The following MAML2 variants were observed in gnomAD, a reference collection of about 807,000 sequenced individuals.
MAML2 encodes mastermind-like protein 2.
A neutral mutation model predicts 96.1 loss-of-function variants in MAML2; 22 were observed. The observed-to-expected ratio is 0.23, with a 90% CI of 0.16 to 0.33. The LOEUF is 0.33. Ranked by LOEUF, MAML2 falls within the 10% of genes least tolerant of loss-of-function variation. The pLI is 1.00. For synonymous variants in MAML2, 561 were observed against 521.3 expected, an observed-to-expected ratio of 1.08 and a Z score of -1.04; for missense variants, 1,367 against 1,392.4, an observed-to-expected ratio of 0.98 and a Z score of 0.29.
intron 1 of MAML2, among the ~76,000 whole-genome samples, chr11:96,121,814 TC>T (rs1860348859): frequency 1.5e-5 from 2 of 135,386 alleles, no homozygotes; most frequent in Admixed American, 7.7e-5. Context: ...TGAGACGGAG[TC>T]TTGCTCTGTC....
chr11:96,108,396 A>G (rs1039062212), intron 1 of MAML2, among the ~76,000 whole-genome samples: 1 of 152,182 alleles, frequency 6.6e-6, no homozygotes, highest in African/African-American at 2.4e-5. Context: ...AGCAAGAAAG[A>G]GAAGGAGTGA....
chr11:96,204,088 G>C (rs1015302830), intron 1 of MAML2, among the ~76,000 whole-genome samples: 1 of 152,160 alleles, frequency 6.6e-6, no homozygotes, highest in Non-Finnish European at 1.5e-5. Context: ...GAGGGAGGGA[G>C]AGGTTTCTGG....
chr11:95,987,365 A>C (rs1022210475), intron 3 of MAML2, among the ~76,000 whole-genome samples: 3 of 152,214 alleles, frequency 2.0e-5, no homozygotes, highest in African/African-American at 7.2e-5. Flanking sequence ...TGAGTATCAT[A>C]TCAGCTTTGG....
At chr11:96,044,432 T>TC (rs2135759341) in intron 2 of MAML2, among the ~76,000 whole-genome samples, 1 of 152,132 alleles carries the variant, frequency 6.6e-6, no homozygotes, top group African/African-American at 2.4e-5. Flanking sequence ...GGTATAAAAT[T>TC]CCCCCCATTC....
At chr11:96,334,873 G>C (rs1221267912) in intron 1 of MAML2, among the ~76,000 whole-genome samples, 1 of 152,194 alleles carries the variant, frequency 6.6e-6, no homozygotes, top group Non-Finnish European at 1.5e-5. Flanking sequence ...TTTGGCTATG[G>C]TAGGGTCCAG....
intron 1 of MAML2, among the ~76,000 whole-genome samples, chr11:96,327,682 G>A (rs1267331021): frequency 3.3e-5 from 5 of 151,802 alleles, no homozygotes; most frequent in Admixed American, 1.3e-4. Flanking sequence ...GCCTCCCAAA[G>A]TGTTTGGATT....
intron 2 of MAML2, among the ~76,000 whole-genome samples, chr11:96,045,929 T>C (rs1038024078): frequency 6.7e-5 from 10 of 148,938 alleles, no homozygotes; most frequent in Non-Finnish European, 1.3e-4. Flanking sequence ...CCCCCATTCC[T>C]GTTATTGTTT....
chr11:96,191,848 G>A (rs1861658808), intron 1 of MAML2, among the ~76,000 whole-genome samples: 1 of 151,934 alleles, frequency 6.6e-6, no homozygotes, highest in South Asian at 2.1e-4. Context: ...CTAACTGGAT[G>A]TAGACCCAAG....
At chr11:96,299,211 T>G (rs1310311206) in intron 1 of MAML2, among the ~76,000 whole-genome samples, 3 of 149,924 alleles carry the variant, frequency 2.0e-5, no homozygotes, top group Admixed American at 2.0e-4. Flanking sequence ...AGAGGCTGAG[T>G]GTGAATTCAG....
At chr11:96,286,254 T>A (rs2135989015) in intron 1 of MAML2, among the ~76,000 whole-genome samples, 1 of 152,214 alleles carries the variant, frequency 6.6e-6, no homozygotes, top group South Asian at 2.1e-4. Flanking sequence ...TTTTCTCACT[T>A]ATAAGTGGGA....
At chr11:95,995,945 C>T (rs1455937768) in intron 2 of MAML2, among the ~76,000 whole-genome samples, 5 of 152,156 alleles carry the variant, frequency 3.3e-5, no homozygotes, top group African/African-American at 4.8e-5. Flanking sequence ...ATAATCATTT[C>T]CATTAGGTGG....
At chr11:96,242,176 G>T (rs1303169316) in intron 1 of MAML2, among the ~76,000 whole-genome samples, 1 of 152,040 alleles carries the variant, frequency 6.6e-6, no homozygotes, top group Non-Finnish European at 1.5e-5. Flanking sequence ...TCTGTTGCTT[G>T]GTTTAAAATT....
At chr11:96,207,889 G>A (rs1005482655) in intron 1 of MAML2, among the ~76,000 whole-genome samples, 4 of 152,160 alleles carry the variant, frequency 2.6e-5, no homozygotes, top group African/African-American at 9.7e-5. Context: ...CTGTTACAGA[G>A]CCAACAAAGA....
chr11:96,133,403 G>A (rs1017199104), intron 1 of MAML2, among the ~76,000 whole-genome samples: 9 of 151,392 alleles, frequency 5.9e-5, no homozygotes, highest in African/African-American at 1.9e-4. Flanking sequence ...TTAAAATTTC[G>A]CAAGCACCCA....
At chr11:96,241,887 A>G (rs1862442905) in intron 1 of MAML2, among the ~76,000 whole-genome samples, 1 of 152,188 alleles carries the variant, frequency 6.6e-6, no homozygotes. Flanking sequence ...TGTTTGGTCT[A>G]TTTTTGAACA....
rs1047342515 is a variant in MAML2, at chr11:96,341,425, G to A, written c.471C>T (p.Pro157=). Reference sequence around the variant, plus strand: ...TCCTCTGGTCCCCTGGGGTTGAAGCGGGCGGCTGCTGCTCTCCGTTTATCC... The same window carrying A: ...TCCTCTGGTCCCCTGGGGTTGAAGCAGGCGGCTGCTGCTCTCCGTTTATCC... ...SGGINGEQQP[P]ASTPGDQRNS... Residue 157 remains proline (P), a synonymous_variant, in exon 1 of 5, where the codon CCC becomes CCT. Coordinates refer to ENST00000524717, the MANE Select transcript of MAML2 (RefSeq NM_032427.4). 7 of 1,546,998 alleles carry A rather than the reference G, an allele frequency of 4.5e-6. No homozygotes were observed. Among genetic ancestry groups the A allele is most frequent in the Admixed American group, 3.9e-5 (2 of 50,750 alleles).
intron 2 of MAML2, among the ~76,000 whole-genome samples, chr11:96,047,811 C>G (rs1253348319): frequency 4.7e-5 from 7 of 148,108 alleles, no homozygotes; most frequent in Non-Finnish European, 8.9e-5. Flanking sequence ...ACTCGGGAGT[C>G]TGAGGCAGGA....
chr11:96,202,937 ATT>A (rs948734049), intron 1 of MAML2, among the ~76,000 whole-genome samples: 17 of 152,102 alleles, frequency 1.1e-4, no homozygotes, highest in Admixed American at 3.3e-4. Flanking sequence ...CTCAGATGAT[ATT>A]TTTTACCTAT....
intron 2 of MAML2, 114 bp downstream of exon 2, chr11:96,091,778 A>C: frequency 7.0e-7 from 1 of 1,427,382 alleles, no homozygotes; most frequent in Non-Finnish European, 9.3e-7. Flanking sequence ...CATCAAGACC[A>C]CTACTGTCTT....
Sources: gnomAD v4.1 joint callset for allele counts (sites outside exome capture counted in the v4.1 genomes callset) on GRCh38, gnomAD v4.1.1 for gene constraint, MANE v1.5 for transcripts, NCBI Gene and HGNC (gene_info 2026-07-23, HGNC 2026-07-21) for gene names.